PDE12: variants seen among roughly 807,000 people sequenced by gnomAD.
PDE12 encodes the protein phosphodiesterase 12.
In PDE12, 26 loss-of-function variants were observed where a neutral mutation model predicts 45.4. The observed-to-expected ratio is 0.57, with a 90% CI of 0.42 to 0.79. The LOEUF is 0.79. Ranked by LOEUF, PDE12 falls within the 30% of genes least tolerant of loss-of-function variation. The pLI is 0.00. For synonymous variants in PDE12, 283 were observed against 323.9 expected, an observed-to-expected ratio of 0.87 and a Z score of 1.36; for missense variants, 668 against 790.0, an observed-to-expected ratio of 0.85 and a Z score of 1.85.
At chr3:57,634,285 T>C in the PDE12 span, among the ~76,000 whole-genome samples, 1 of 151,814 alleles carries the variant, frequency 6.6e-6, no homozygotes, top group Admixed American at 6.6e-5. Flanking sequence ...ACACAGAAAT[T>C]AGCCAGGCAT....
At chr3:57,575,544 T>G in the PDE12 span, 1 of 1,609,534 alleles carries the variant, frequency 6.2e-7, no homozygotes, top group Non-Finnish European at 8.5e-7. Context: ...CTCCAAATAC[T>G]TACTGTTCTG....
the PDE12 span, among the ~76,000 whole-genome samples, chr3:57,609,564 C>T: frequency 1.3e-5 from 2 of 152,080 alleles, no homozygotes; most frequent in Non-Finnish European, 2.9e-5. Flanking sequence ...CACCACCAAT[C>T]CCACAGAAAT....
the PDE12 span, among the ~76,000 whole-genome samples, chr3:57,639,476 A>G: frequency 4.6e-5 from 7 of 152,244 alleles, no homozygotes; most frequent in African/African-American, 1.7e-4. Flanking sequence ...GTAGTCTACT[A>G]CATTATAATT....
chr3:57,572,349 A>C, the PDE12 span: 1 of 1,336,174 alleles, frequency 7.5e-7, no homozygotes, highest in Non-Finnish European at 1.1e-6. Flanking sequence ...AATATATAAC[A>C]CCAGTGTTTA....
At chr3:57,584,315 C>CAA in the PDE12 span, 1 of 1,310,956 alleles carries the variant, frequency 7.6e-7, no homozygotes, top group Non-Finnish European at 1.1e-6. Context: ...AAGACAATCT[C>CAA]AAAACTAGAC....
At chr3:57,619,575 G>C in the PDE12 span, 1 of 152,256 alleles carries the variant, frequency 6.6e-6, no homozygotes, top group Non-Finnish European at 1.5e-5. Context: ...CGTTACTTTT[G>C]CTGGGTGCGG....
chr3:57,595,041 C>T, the PDE12 span, among the ~76,000 whole-genome samples: 1 of 152,132 alleles, frequency 6.6e-6, no homozygotes, highest in Non-Finnish European at 1.5e-5. Context: ...AGTAATAAAA[C>T]ATTAAAAACA....
At chr3:57,654,128 T>G in the PDE12 span, among the ~76,000 whole-genome samples, 6 of 150,458 alleles carry the variant, frequency 4.0e-5, no homozygotes, top group African/African-American at 1.5e-4. Context: ...TTTTTTTTTT[T>G]GTATTTTTAG....
chr3:57,617,172 A>C, the PDE12 span, among the ~76,000 whole-genome samples: 1 of 152,104 alleles, frequency 6.6e-6, no homozygotes, highest in Non-Finnish European at 1.5e-5. Flanking sequence ...TGGGAGGCTG[A>C]AGCGGGAGGA....
chr3:57,624,197 C>T, the PDE12 span, among the ~76,000 whole-genome samples: 3 of 151,536 alleles, frequency 2.0e-5, no homozygotes, highest in Non-Finnish European at 4.4e-5. Flanking sequence ...GTCGCCCAGG[C>T]TGGAGTGCAG....
the PDE12 span, chr3:57,598,025 C>G: frequency 2.0e-5 from 3 of 152,330 alleles, no homozygotes; most frequent in African/African-American, 7.2e-5. Context: ...AACACGTGTT[C>G]ATCGGCTGTT....
the PDE12 span, chr3:57,628,226 C>T: frequency 1.1e-5 from 18 of 1,612,290 alleles, no homozygotes; most frequent in South Asian, 1.4e-4. Context: ...ATGTCATGCC[C>T]GTTTTGAGCA....
At chr3:57,608,800 C>A in the PDE12 span, among the ~76,000 whole-genome samples, 1 of 152,132 alleles carries the variant, frequency 6.6e-6, no homozygotes, top group Non-Finnish European at 1.5e-5. Context: ...GAGCCTTTAA[C>A]ACCCCACTGT....
At chr3:57,630,141 C>A in the PDE12 span, among the ~76,000 whole-genome samples, 1 of 152,180 alleles carries the variant, frequency 6.6e-6, no homozygotes, top group Non-Finnish European at 1.5e-5. Flanking sequence ...CACTACTTAG[C>A]AGGGATGTGA....
downstream of PDE12, among the ~76,000 whole-genome samples, chr3:57,569,220 A>C (rs754894832): frequency 3.3e-5 from 5 of 152,294 alleles, no homozygotes; most frequent in South Asian, 4.1e-4. Context: ...GCTAGGGGTT[A>C]TCTCTCAATA....
At chr3:57,630,657 TGTTTTGCTTTTA>T in the PDE12 span, 15 of 1,564,990 alleles carry the variant, frequency 9.6e-6, no homozygotes, top group Non-Finnish European at 1.2e-5. Context: ...TTTAGCTTTT[TGTTTTGCTTTTA>T]AATAAAGCAC....
chr3:57,653,562 C>T, the PDE12 span, among the ~76,000 whole-genome samples: 16 of 151,718 alleles, frequency 1.1e-4, no homozygotes, highest in African/African-American at 2.2e-4. Flanking sequence ...TGGCTAACAA[C>T]GGTGAAACCC....
rs2069688623 is a variant in PDE12 at position 57,558,364 on chromosome 3, A to G, written c.1308+677A>G. On this transcript the variant is annotated intron_variant, in intron 1 of 2. Coordinates refer to ENST00000311180, the MANE Select transcript of PDE12 (RefSeq NM_177966.7). Reference sequence around the variant, plus strand: ...CAGGTCACATTGCTATAAATGGTGAAATGAGTATTCAAACCCAGGTCTGCC... The same window carrying G: ...CAGGTCACATTGCTATAAATGGTGAGATGAGTATTCAAACCCAGGTCTGCC... 2.0e-5 allele frequency among the ~76,000 whole-genome samples: 3 copies of G among 152,202 alleles called. No homozygotes were observed. In the South Asian group the frequency reaches 6.2e-4, roughly 31 times the overall value.
At chr3:57,634,588 T>C in the PDE12 span, 2 of 1,453,600 alleles carry the variant, frequency 1.4e-6, no homozygotes. Flanking sequence ...TCTCTTCATC[T>C]CTATTTAAAT....
Sources: gnomAD v4.1 joint callset for allele counts (sites outside exome capture counted in the v4.1 genomes callset) on GRCh38, gnomAD v4.1.1 for gene constraint, MANE v1.5 for transcripts, NCBI Gene and HGNC (gene_info 2026-07-23, HGNC 2026-07-21) for gene names.